TSGA10: variants seen among roughly 807,000 people sequenced by gnomAD.
The protein encoded by TSGA10 is testis specific 10.
A neutral mutation model predicts 96.6 loss-of-function variants in TSGA10; 43 were observed. The observed-to-expected ratio is 0.44, with a 90% confidence interval of 0.35 to 0.57. The LOEUF (loss-of-function observed/expected upper bound fraction) is 0.57. Ranked by LOEUF, TSGA10 falls within the 20% of genes least tolerant of loss-of-function variation. The pLI is 0.01. For synonymous variants in TSGA10, 229 were observed against 269.9 expected (o/e 0.85, Z 1.48); for missense variants, 703 against 834.4 (o/e 0.84, Z 1.94).
At position 99,154,822 on chromosome 2, in the gene TSGA10, C is replaced by G. The variant is rs888943833; in HGVS notation, c.-750G>C. On this transcript the variant is annotated 5_prime_UTR_variant, in exon 1 of 21. Transcript: ENST00000393483. Reference sequence around the variant, plus strand: ...CCCTGCCTGGAACCTGGTTCCCGCCCTGAAGGACCCTTACTTAGCACTCCT... The same window carrying G: ...CCCTGCCTGGAACCTGGTTCCCGCCGTGAAGGACCCTTACTTAGCACTCCT... The G allele has an allele frequency of 3.0e-6, 1 of 330,956 alleles. No individual in the cohort carries two copies. The highest frequency in any genetic ancestry group is 2.2e-5 in the African/African-American group (1 of 44,962). The allele number at this position is 330,956 out of a possible 1,614,324, so 20.5% of individuals were successfully genotyped here. A position where few individuals can be genotyped will look rare whatever the true frequency, so the allele number is the denominator to read the frequency against.
intron 10 of TSGA10, among the ~76,000 whole-genome samples, chr2:99,090,786 C>T (rs1200339829): frequency 6.6e-6 from 1 of 152,064 alleles, no homozygotes; most frequent in South Asian, 2.1e-4. Context: ...TGTTAAACAA[C>T]CAAACCTAAA....
chr2:99,122,615 CAAAAAAAAA>C (rs148224475), intron 2 of TSGA10, among the ~76,000 whole-genome samples: 39 of 53,284 alleles, frequency 7.3e-4, no homozygotes, highest in African/African-American at 2.7e-3. Context: ...CCATCTCTAC[CAAAAAAAAA>C]AAAAAAAAAA....
At chr2:99,153,242 A>C (rs2093710851) in intron 1 of TSGA10, among the ~76,000 whole-genome samples, 1 of 152,230 alleles carries the variant, frequency 6.6e-6, no homozygotes, top group African/African-American at 2.4e-5. Flanking sequence ...TGACCTTAGC[A>C]AAAGCACTTT....
chr2:99,067,383 G>A lies in TSGA10; in HGVS notation c.1218+1505C>T, dbSNP rs147630389. On this transcript the variant is annotated intron_variant, in intron 15 of 20. Transcript: ENST00000393483. ...AGGATGCTAAAATCCCCAGCACTTC[G>A]GAAGGCCGAGGTGGGAGGATCACTT... Among the ~76,000 whole-genome samples the A allele has an allele frequency of 1.0e-3, 157 of 152,298 alleles. 1 individual carries two copies. Among genetic ancestry groups the A allele is most frequent in the Non-Finnish European group, 1.8e-3 (121 of 68,016 alleles).
At chr2:99,007,468 C>T (rs1249032801) in intron 20 of TSGA10, among the ~76,000 whole-genome samples, 1 of 151,862 alleles carries the variant, frequency 6.6e-6, no homozygotes, top group Non-Finnish European at 1.5e-5. Flanking sequence ...AACACTAATA[C>T]CAGACAAAGT....
intron 20 of TSGA10, among the ~76,000 whole-genome samples, chr2:99,005,499 C>G: frequency 6.6e-6 from 1 of 151,698 alleles, no homozygotes; most frequent in Non-Finnish European, 1.5e-5. Context: ...ACACCAATAA[C>G]AGACAGACAG....
chr2:99,120,904 T>C (rs1368659295), intron 2 of TSGA10, among the ~76,000 whole-genome samples: 1 of 152,208 alleles, frequency 6.6e-6, no homozygotes. Context: ...GAATGTTACA[T>C]AAACAAAATC....
chr2:99,146,017 C>T (rs955368427), intron 1 of TSGA10, among the ~76,000 whole-genome samples: 1 of 152,020 alleles, frequency 6.6e-6, no homozygotes, highest in African/African-American at 2.4e-5. Flanking sequence ...GGTACGGTGG[C>T]TCATGCTGTA....
At chr2:99,020,230 A>G (rs2079882413) in intron 18 of TSGA10, 50 bp downstream of exon 18, 2 of 1,508,952 alleles carry the variant, frequency 1.3e-6, no homozygotes, top group East Asian at 4.6e-5. Context: ...CTACTAAAGT[A>G]CCAAAAAATT....
chr2:98,999,667 C>T (rs901463790), intron 20 of TSGA10, among the ~76,000 whole-genome samples: 1 of 152,146 alleles, frequency 6.6e-6, no homozygotes, highest in African/African-American at 2.4e-5. Context: ...TCACATAGTA[C>T]AGAAAGTAAT....
intron 3 of TSGA10, among the ~76,000 whole-genome samples, 154 bp from the exon 4 acceptor site, chr2:99,117,913 G>C (rs773032914): frequency 6.6e-6 from 1 of 152,008 alleles, no homozygotes; most frequent in Non-Finnish European, 1.5e-5. Flanking sequence ...TGTACCATGT[G>C]AATGTATTAC....
At chr2:99,068,269 T>C (rs1413908875) in intron 15 of TSGA10, among the ~76,000 whole-genome samples, 1 of 152,206 alleles carries the variant, frequency 6.6e-6, no homozygotes, top group Non-Finnish European at 1.5e-5. Context: ...ATAATAGGTA[T>C]AGTGTTACCT....
intron 10 of TSGA10, among the ~76,000 whole-genome samples, chr2:99,096,608 G>GT (rs1400803933): frequency 6.6e-6 from 1 of 152,000 alleles, no homozygotes; most frequent in Non-Finnish European, 1.5e-5. Flanking sequence ...TTCCAGTGTT[G>GT]TAACTCTTGG....
intron 10 of TSGA10, among the ~76,000 whole-genome samples, chr2:99,099,011 T>C (rs975191297): frequency 6.6e-6 from 1 of 152,156 alleles, no homozygotes; most frequent in Non-Finnish European, 1.5e-5. Flanking sequence ...AAAATCTGAT[T>C]TTAAAAAGCC....
intron 4 of TSGA10, among the ~76,000 whole-genome samples, chr2:99,112,426 A>G (rs1361782098): frequency 6.6e-6 from 1 of 152,312 alleles, no homozygotes; most frequent in East Asian, 1.9e-4. Flanking sequence ...TAGAATAGAC[A>G]ATAATAAACC....
At chr2:99,113,603 T>C (rs942885705) in intron 4 of TSGA10, among the ~76,000 whole-genome samples, 3 of 152,200 alleles carry the variant, frequency 2.0e-5, no homozygotes, top group African/African-American at 7.2e-5. Context: ...TGGAGCGCAG[T>C]GGCGTGATCT....
intron 17 of TSGA10, among the ~76,000 whole-genome samples, chr2:99,024,692 G>A (rs976300629): frequency 2.0e-5 from 3 of 152,114 alleles, no homozygotes; most frequent in East Asian, 1.9e-4. Context: ...GTGTTGAATA[G>A]AAAAGGCAAG....
intron 17 of TSGA10, among the ~76,000 whole-genome samples, chr2:99,034,411 A>C (rs1040752867): frequency 6.6e-6 from 1 of 152,138 alleles, no homozygotes; most frequent in Non-Finnish European, 1.5e-5. Flanking sequence ...AAAAATAAAA[A>C]AAATAAAGGT....
intron 2 of TSGA10, 114 bp from the exon 3 acceptor site, chr2:99,118,800 T>C (rs17022249): frequency 0.036 from 10,937 of 302,102 alleles, 485 homozygotes; most frequent in East Asian, 0.21. Context: ...ACTCTTTGTT[T>C]ACTTGAGGAA....
Sources: gnomAD v4.1 joint callset for allele counts (sites outside exome capture counted in the v4.1 genomes callset) on GRCh38, gnomAD v4.1.1 for gene constraint, MANE v1.5 for transcripts, NCBI Gene and HGNC (gene_info 2026-07-23, HGNC 2026-07-21) for gene names.